GRID2: variants seen among roughly 807,000 people sequenced by gnomAD.
GRID2 encodes the protein glutamate ionotropic receptor delta type subunit 2.
GRID2 carries 33 observed loss-of-function variants against 114.8 expected under a neutral mutation model. The ratio of observed to expected loss-of-function variants is 0.29; its 90% CI spans 0.22 to 0.38. The LOEUF is 0.38. Ranked by LOEUF, GRID2 falls within the 10% of genes least tolerant of loss-of-function variation. The pLI is 1.00. For synonymous variants in GRID2, 505 were observed against 449.9 expected, an observed-to-expected ratio of 1.12 and a Z score of -1.55; for missense variants, 1,184 against 1,257.7, an observed-to-expected ratio of 0.94 and a Z score of 0.89.
At chr4:93,156,812 T>C (rs767202029) in intron 4 of GRID2, among the ~76,000 whole-genome samples, 1 of 151,708 alleles carries the variant, frequency 6.6e-6, no homozygotes, top group Non-Finnish European at 1.5e-5. Context: ...TTGAAACTTA[T>C]CGGCCTATTG....
chr4:93,647,944 C>A (rs934630469), intron 14 of GRID2, among the ~76,000 whole-genome samples: 3 of 152,086 alleles, frequency 2.0e-5, no homozygotes, highest in Non-Finnish European at 4.4e-5. Context: ...TATAACACCC[C>A]AGAAGAGCTG....
intron 2 of GRID2, among the ~76,000 whole-genome samples, chr4:92,932,078 A>T (rs1484828152): frequency 6.6e-6 from 1 of 151,304 alleles, no homozygotes; most frequent in Non-Finnish European, 1.5e-5. Flanking sequence ...GCATGAAAAA[A>T]TTGATGACAT....
chr4:93,755,704 A>T (rs1732687080), intron 14 of GRID2, among the ~76,000 whole-genome samples: 1 of 152,222 alleles, frequency 6.6e-6, no homozygotes, highest in South Asian at 2.1e-4. Context: ...TTTAACGAAG[A>T]TCGGCTTCTA....
intron 8 of GRID2, chr4:93,302,731 T>C (rs1400759163): frequency 8.2e-6 from 3 of 365,894 alleles, no homozygotes; most frequent in African/African-American, 4.2e-5. Context: ...TATTTTATGC[T>C]CATTTCCTAA....
chr4:92,477,885 A>G (rs1191600902), intron 1 of GRID2, among the ~76,000 whole-genome samples: 3 of 149,358 alleles, frequency 2.0e-5, no homozygotes, highest in Non-Finnish European at 4.4e-5. Context: ...ACATAGAGAT[A>G]CACAAATTGA....
intron 2 of GRID2, among the ~76,000 whole-genome samples, chr4:93,030,933 A>AG (rs1724364178): frequency 6.6e-6 from 1 of 152,046 alleles, no homozygotes; most frequent in Non-Finnish European, 1.5e-5. Flanking sequence ...AAGATGAAAA[A>AG]GAGGATGTGA....
At chr4:93,621,342 A>G (rs1274090566) in intron 13 of GRID2, among the ~76,000 whole-genome samples, 1 of 152,172 alleles carries the variant, frequency 6.6e-6, no homozygotes, top group Non-Finnish European at 1.5e-5. Flanking sequence ...TGGAGATTGA[A>G]AACACTAGAG....
rs60239679 is a variant in GRID2 at position 92,379,845 on chromosome 4, C to T, written c.88+75101C>T. The stretch of plus-strand genomic sequence containing the variant: ...GCCTTACAGATAGCTAATAAAGTTT[C>T]ATTTATTCAGTGTCTTTTAAATTAT... On this transcript the variant is annotated intron_variant, in intron 1 of 15. Coordinates refer to ENST00000282020, the MANE Select transcript of GRID2 (RefSeq NM_001510.4). Among the ~76,000 whole-genome samples the T allele has an allele frequency of 8.9e-3, 1,351 of 152,026 alleles. 18 individuals are homozygous for T. The highest frequency in any genetic ancestry group is 0.031 in the African/African-American group (1,300 of 41,526).
At chr4:92,907,689 C>T (rs1243774430) in intron 2 of GRID2, among the ~76,000 whole-genome samples, 1 of 152,076 alleles carries the variant, frequency 6.6e-6, no homozygotes, top group Non-Finnish European at 1.5e-5. Context: ...GGAATACAGG[C>T]ATGAGCCCCC....
intron 2 of GRID2, among the ~76,000 whole-genome samples, chr4:92,739,054 C>T (rs1736740800): frequency 6.6e-6 from 1 of 152,086 alleles, no homozygotes; most frequent in Non-Finnish European, 1.5e-5. Context: ...ATTCGAAGAA[C>T]AAAAGAGTAG....
rs756637428 is a variant in GRID2 at position 92,906,667 on chromosome 4, G to A, written c.245-178328G>A. ...AGAGTCTCACTCTGTCACCCAGGCT[G>A]GAGTGCAGTGGTGTGATCTTGGCTC... On this transcript the variant is annotated intron_variant, in intron 2 of 15. Coordinates refer to ENST00000282020, the MANE Select transcript of GRID2 (RefSeq NM_001510.4). Among the ~76,000 whole-genome samples, 63 of 152,138 alleles carry A rather than the reference G, an allele frequency of 4.1e-4. 1 individual carries two copies. Among genetic ancestry groups the A allele is most frequent in the African/African-American group, 1.4e-3 (59 of 41,500 alleles).
At chr4:93,715,935 A>T (rs186607720) in intron 14 of GRID2, among the ~76,000 whole-genome samples, 2 of 152,228 alleles carry the variant, frequency 1.3e-5, no homozygotes, top group African/African-American at 4.8e-5. Flanking sequence ...TCTCTTGCCT[A>T]ATTGCCCTGG....
intron 2 of GRID2, among the ~76,000 whole-genome samples, chr4:92,651,220 G>A (rs1468283666): frequency 6.6e-6 from 1 of 152,054 alleles, no homozygotes; most frequent in Non-Finnish European, 1.5e-5. Context: ...CTTCCATGAT[G>A]GAAACAGTCC....
At chr4:92,806,659 AATT>A (rs1279536203) in intron 2 of GRID2, among the ~76,000 whole-genome samples, 1 of 151,942 alleles carries the variant, frequency 6.6e-6, no homozygotes, top group African/African-American at 2.4e-5. Flanking sequence ...AGATATTAAT[AATT>A]ATTATTTGGA....
chr4:93,732,363 G>T (rs564633997), intron 14 of GRID2, among the ~76,000 whole-genome samples: 21 of 152,232 alleles, frequency 1.4e-4, no homozygotes, highest in African/African-American at 4.8e-4. Flanking sequence ...CCAGATTTTT[G>T]CATTTGAAAG....
intron 2 of GRID2, among the ~76,000 whole-genome samples, chr4:93,031,983 C>T (rs1163643383): frequency 6.6e-6 from 1 of 152,076 alleles, no homozygotes. Flanking sequence ...GCATTATAAA[C>T]AGACTAACCT....
intron 2 of GRID2, among the ~76,000 whole-genome samples, chr4:92,926,074 G>T (rs554302218): frequency 5.9e-5 from 9 of 151,800 alleles, no homozygotes; most frequent in African/African-American, 2.2e-4. Flanking sequence ...AGGAAAATAA[G>T]GTTTTAATAG....
intron 13 of GRID2, among the ~76,000 whole-genome samples, chr4:93,531,485 T>C (rs1480276757): frequency 6.6e-6 from 1 of 152,112 alleles, no homozygotes. Context: ...TTACTCACCT[T>C]ATCCTAGAGG....
intron 1 of GRID2, among the ~76,000 whole-genome samples, chr4:92,421,071 T>A (rs1400331275): frequency 6.6e-6 from 1 of 152,242 alleles, no homozygotes; most frequent in South Asian, 2.1e-4. Context: ...TTTTGTTTTT[T>A]TCAGTTCCAT....
Sources: gnomAD v4.1 joint callset for allele counts (sites outside exome capture counted in the v4.1 genomes callset) on GRCh38, gnomAD v4.1.1 for gene constraint, MANE v1.5 for transcripts, NCBI Gene and HGNC (gene_info 2026-07-23, HGNC 2026-07-21) for gene names.